Variants in HTR2C observed in about 807,000 individuals in gnomAD.
The protein encoded by HTR2C is 5-hydroxytryptamine receptor 2C.
In HTR2C, 5 loss-of-function variants were observed where a neutral mutation model predicts 21.0. The ratio of observed to expected loss-of-function variants is 0.24; its 90% CI spans 0.12 to 0.50. The LOEUF is 0.50. Ranked by LOEUF, HTR2C falls within the 20% of genes least tolerant of loss-of-function variation. The probability of loss-of-function intolerance (pLI) is 0.98; values close to 1 mark genes in which losing one functional copy is unlikely to be tolerated. For synonymous variants in HTR2C, 150 were observed against 145.3 expected, an observed-to-expected ratio of 1.03 and a Z score of -0.23; for missense variants, 271 against 371.2, an observed-to-expected ratio of 0.73 and a Z score of 2.22.
intron 2 of HTR2C, among the ~76,000 whole-genome samples, chrX:114,628,405 ATTTTTTTTTTT>A (rs35975864): frequency 1.1e-4 from 5 of 43,888 alleles, no homozygotes; most frequent in African/African-American, 4.6e-4. Flanking sequence ...TGCCAGGCTA[ATTTTTTTTTTT>A]TTTTTTTTTT....
intron 2 of HTR2C, among the ~76,000 whole-genome samples, chrX:114,666,053 T>C (rs1931163655): frequency 8.9e-6 from 1 of 111,937 alleles, no homozygotes; most frequent in Admixed American, 9.5e-5. Flanking sequence ...TGATACTGCC[T>C]CTCTTCCATC....
intron 4 of HTR2C, among the ~76,000 whole-genome samples, chrX:114,746,762 G>A (rs1159705156): frequency 1.8e-5 from 2 of 110,528 alleles, no homozygotes; most frequent in Non-Finnish European, 3.8e-5. Context: ...GAGGCAGGTG[G>A]ATCACGAGGT....
At position 114,897,091 on chromosome X, in the gene HTR2C, G is replaced by A. The variant is rs782735365; in HGVS notation, c.551-9498G>A. 7.9e-4 allele frequency among the ~76,000 whole-genome samples: 88 copies of A among 111,323 alleles called. 1 individual carries two copies. The highest frequency in any genetic ancestry group is 2.7e-3 in the African/African-American group (84 of 30,746). Reference sequence around the variant, plus strand: ...CATAAGCATCCTTAATTTTAATAATGTACTAATTTTCCACTTTAGACTTTA... The same window carrying A: ...CATAAGCATCCTTAATTTTAATAATATACTAATTTTCCACTTTAGACTTTA... On this transcript the variant is annotated intron_variant, in intron 5 of 5. Transcript: ENST00000276198.
At position 114,599,072 on chromosome X, in the gene HTR2C, A is replaced by T. The variant is rs143795792; in HGVS notation, c.-147+14413A>T. 8.1e-3 allele frequency among the ~76,000 whole-genome samples: 901 copies of T among 111,776 alleles called. 5 individuals carry two copies. The highest frequency in any genetic ancestry group is 0.027 in the African/African-American group (843 of 30,855). ...AAGCCTTTAAAAATTTGACTACATC[A>T]TACTGTCCTTGAGAATCATGTCATG... On this transcript the variant is annotated intron_variant, in intron 1 of 5. Coordinates refer to ENST00000276198, the MANE Select transcript of HTR2C (RefSeq NM_000868.4).
chrX:114,776,139 G>A (rs2070054466), intron 4 of HTR2C: 1 of 519,887 alleles, frequency 1.9e-6, no homozygotes, highest in Non-Finnish European at 3.5e-6. Context: ...ATTCCATCCT[G>A]AATAATGAGG....
Position 114,860,080 on chromosome X carries a change from GT to G in HTR2C, c.550+11880del, listed in dbSNP as rs1260943641. On this transcript the variant is annotated intron_variant, in intron 5 of 5. Coordinates refer to ENST00000276198, the MANE Select transcript of HTR2C (RefSeq NM_000868.4). ...GTCATTGCCTTTTGGCCAGCATATG[GT>G]TTACAGTGATAAATGTTCTATGTCT... is the stretch of plus-strand genomic sequence containing the variant. Among the ~76,000 whole-genome samples, 4 of 111,149 alleles carry G rather than the reference GT, an allele frequency of 3.6e-5. No homozygotes were observed. The East Asian group carries it at 1.1e-3, about 31-fold the overall frequency.
intron 5 of HTR2C, chrX:114,900,267 A>G (rs1027286552): frequency 1.3e-5 from 2 of 148,807 alleles, no homozygotes; most frequent in Admixed American, 1.2e-4. Context: ...ATTAAACTTA[A>G]AAGGCTAATT....
At chrX:114,776,684 T>C in intron 4 of HTR2C, 1 of 481,207 alleles carries the variant, frequency 2.1e-6, no homozygotes, top group Non-Finnish European at 3.9e-6. Flanking sequence ...TCCCTGATCA[T>C]TGGTAATTAT....
intron 2 of HTR2C, among the ~76,000 whole-genome samples, chrX:114,633,230 T>C (rs781816866): frequency 2.7e-5 from 3 of 111,662 alleles, no homozygotes; most frequent in African/African-American, 6.5e-5. Flanking sequence ...TTAATTTTAT[T>C]TGGAAATTTG....
intron 2 of HTR2C, among the ~76,000 whole-genome samples, chrX:114,621,487 G>T (rs1192235204): frequency 1.8e-5 from 2 of 111,432 alleles, no homozygotes; most frequent in African/African-American, 6.5e-5. Flanking sequence ...TTTTTCAATC[G>T]TATAAAAACA....
At chrX:114,844,216 T>C (rs1294716478) in intron 4 of HTR2C, among the ~76,000 whole-genome samples, 2 of 111,715 alleles carry the variant, frequency 1.8e-5, no homozygotes, top group Admixed American at 1.9e-4. Context: ...AAATGTAATT[T>C]ATGACCAATA....
At chrX:114,768,517 G>A (rs781823892) in intron 4 of HTR2C, among the ~76,000 whole-genome samples, 1 of 110,706 alleles carries the variant, frequency 9.0e-6, no homozygotes, top group Non-Finnish European at 1.9e-5. Flanking sequence ...CAAATATAAT[G>A]TAATATAATA....
At chrX:114,635,167 CT>C (rs1253502102) in intron 2 of HTR2C, among the ~76,000 whole-genome samples, 2 of 111,819 alleles carry the variant, frequency 1.8e-5, no homozygotes, top group African/African-American at 6.5e-5. Flanking sequence ...ATATAAAGAA[CT>C]ATAAACAAAT....
At chrX:114,813,969 A>G (rs891622292) in intron 4 of HTR2C, among the ~76,000 whole-genome samples, 11 of 111,670 alleles carry the variant, frequency 9.9e-5, no homozygotes, top group African/African-American at 3.6e-4. Context: ...TAAGGTACTG[A>G]GAGAAGACAT....
chrX:114,588,051 G>A (rs181061665), intron 1 of HTR2C, among the ~76,000 whole-genome samples: 18 of 112,216 alleles, frequency 1.6e-4, no homozygotes, highest in African/African-American at 4.5e-4. Context: ...CTTCAACCTC[G>A]CTATTCATTC....
chrX:114,847,514 C>T (rs1291644164), intron 4 of HTR2C, among the ~76,000 whole-genome samples: 2 of 103,939 alleles, frequency 1.9e-5, no homozygotes, highest in East Asian at 3.2e-4. Flanking sequence ...GTGCAGCACA[C>T]CAGCATAGCA....
intron 1 of HTR2C, among the ~76,000 whole-genome samples, chrX:114,601,306 G>A (rs1403851997): frequency 1.8e-5 from 2 of 111,066 alleles, no homozygotes; most frequent in South Asian, 3.8e-4. Context: ...CACCAAACAG[G>A]CTTTGTGTGA....
chrX:114,868,712 T>C (rs782691712), intron 5 of HTR2C, among the ~76,000 whole-genome samples: 6 of 112,083 alleles, frequency 5.4e-5, no homozygotes, highest in Admixed American at 9.5e-5. Flanking sequence ...AAAATGTATG[T>C]ATATTTTGGA....
chrX:114,765,414 A>G (rs1319051253), intron 4 of HTR2C, among the ~76,000 whole-genome samples: 2 of 111,132 alleles, frequency 1.8e-5, no homozygotes, highest in African/African-American at 3.3e-5. Flanking sequence ...CAACCAACAT[A>G]TAAGTATTTT....
Sources: gnomAD v4.1 joint callset for allele counts (sites outside exome capture counted in the v4.1 genomes callset) on GRCh38, gnomAD v4.1.1 for gene constraint, MANE v1.5 for transcripts, NCBI Gene and HGNC (gene_info 2026-07-23, HGNC 2026-07-21) for gene names.